Variants in GPC6 observed in about 807,000 individuals in gnomAD.
The protein encoded by GPC6 is glypican 6, also known as glypican-6.
Under a neutral mutation model 55.2 loss-of-function variants are expected in GPC6, and 14 were observed. That is an observed-to-expected ratio of 0.25 (90% CI 0.17 to 0.40). The LOEUF is 0.40. GPC6 is among the 10% of genes least tolerant of loss of function. The probability of loss-of-function intolerance (pLI) is 1.00; values close to 1 mark genes in which losing one functional copy is unlikely to be tolerated. For missense variants in GPC6, 641 were observed against 708.5 expected (o/e 0.90, Z 1.08); for synonymous variants, 278 against 259.6 (o/e 1.07, Z -0.68).
At chr13:93,928,664 C>T (rs1594595383) in intron 3 of GPC6, among the ~76,000 whole-genome samples, 1 of 152,234 alleles carries the variant, frequency 6.6e-6, no homozygotes, top group East Asian at 1.9e-4. Flanking sequence ...TTAACCAAAG[C>T]CAGTACTCAT....
chr13:93,615,370 G>GT (rs999453858), intron 2 of GPC6, among the ~76,000 whole-genome samples: 13 of 152,162 alleles, frequency 8.5e-5, no homozygotes, highest in African/African-American at 2.9e-4. Flanking sequence ...ACATCTGTTT[G>GT]TTTTTGTTTA....
chr13:94,036,784 GATTA>G (rs67020809), intron 4 of GPC6, among the ~76,000 whole-genome samples: 40,660 of 151,616 alleles, frequency 0.27, 6,359 homozygotes, highest in Middle Eastern at 0.4. Context: ...AGCTTGAAGA[GATTA>G]GTTATCTCAT....
chr13:93,606,553 C>T (rs1300123770), intron 2 of GPC6, among the ~76,000 whole-genome samples: 1 of 152,150 alleles, frequency 6.6e-6, no homozygotes, highest in Non-Finnish European at 1.5e-5. Context: ...AGTAGAGGCA[C>T]ATTTAAGTTA....
At chr13:93,345,053 A>C (rs904636761) in intron 1 of GPC6, among the ~76,000 whole-genome samples, 3 of 152,184 alleles carry the variant, frequency 2.0e-5, no homozygotes, top group African/African-American at 7.2e-5. Flanking sequence ...GAAGAACAGA[A>C]TTATAAAAAT....
rs199699358 is a variant in GPC6 at position 93,995,824 on chromosome 13, CT to C, written c.712-31903del. Among the ~76,000 whole-genome samples the C allele has an allele frequency of 5.5e-3, 840 of 152,098 alleles. 8 individuals carry two copies. Among genetic ancestry groups the C allele is most frequent in the African/African-American group, 0.019 (809 of 41,492 alleles). On this transcript the variant is annotated intron_variant, in intron 3 of 8. Transcript: ENST00000377047. ...CTGGGGATAGGAAATGAATGTTTTT[CT>C]TGGGATTCATAATTCTACCCTAACA...
At chr13:93,546,845 G>A (rs530283993) in intron 2 of GPC6, among the ~76,000 whole-genome samples, 1 of 152,142 alleles carries the variant, frequency 6.6e-6, no homozygotes, top group Admixed American at 6.6e-5. Context: ...GTGTCTCTGG[G>A]AAAACAAACA....
intron 4 of GPC6, among the ~76,000 whole-genome samples, chr13:94,189,827 CT>C (rs1889325192): frequency 6.6e-6 from 1 of 152,036 alleles, no homozygotes; most frequent in Non-Finnish European, 1.5e-5. Context: ...CAAGACCATC[CT>C]GGCTAACATG....
In GPC6 at chr13:94,128,012, A is replaced by T. The variant is rs1886881183; in HGVS notation, c.877+100118A>T. Among the ~76,000 whole-genome samples the T allele has an allele frequency of 4.6e-5, 7 of 152,246 alleles. No individual in the cohort carries two copies. In the South Asian group the frequency reaches 1.0e-3, roughly 23 times the overall value. ...TGTTATACAGTCCACAGTCATGATT[A>T]TTTCTGCTCCCCTACAGGGAATAGT... On this transcript the variant is annotated intron_variant, in intron 4 of 8. Transcript: ENST00000377047.
intron 4 of GPC6, among the ~76,000 whole-genome samples, chr13:94,106,997 G>A (rs1886077079): frequency 1.3e-5 from 2 of 152,136 alleles, no homozygotes; most frequent in African/African-American, 2.4e-5. Flanking sequence ...AGCAAACACA[G>A]ATGTTCAGCC....
chr13:93,637,139 C>T (rs985167078), intron 2 of GPC6, among the ~76,000 whole-genome samples: 1 of 152,040 alleles, frequency 6.6e-6, no homozygotes, highest in Non-Finnish European at 1.5e-5. Flanking sequence ...TGCTAACATT[C>T]TCTAAAACAA....
chr13:94,050,977 G>C (rs1034478482), intron 4 of GPC6, among the ~76,000 whole-genome samples: 1 of 152,140 alleles, frequency 6.6e-6, no homozygotes, highest in Non-Finnish European at 1.5e-5. Context: ...GTCCCTGCTA[G>C]ATAATCCACT....
chr13:93,911,685 C>G (rs912567654), intron 3 of GPC6, among the ~76,000 whole-genome samples: 1 of 152,156 alleles, frequency 6.6e-6, no homozygotes, highest in Non-Finnish European at 1.5e-5. Flanking sequence ...ACCGTTTGAC[C>G]TTGGGCGTAT....
At chr13:94,366,403 G>A (rs1041015513) in intron 6 of GPC6, among the ~76,000 whole-genome samples, 2 of 152,144 alleles carry the variant, frequency 1.3e-5, no homozygotes, top group Admixed American at 6.5e-5. Flanking sequence ...GGAAATTGAG[G>A]AAATATGGGG....
At chr13:94,079,436 G>A (rs548523688) in intron 4 of GPC6, among the ~76,000 whole-genome samples, 2 of 152,246 alleles carry the variant, frequency 1.3e-5, no homozygotes, top group Admixed American at 1.3e-4. Context: ...TTATTTAGCA[G>A]TACTAATAGA....
intron 2 of GPC6, among the ~76,000 whole-genome samples, chr13:93,671,494 C>A (rs1377798730): frequency 6.6e-6 from 1 of 152,056 alleles, no homozygotes; most frequent in East Asian, 1.9e-4. Context: ...TGTATCTTCC[C>A]TCTGGGGTGT....
At chr13:93,235,965 A>G (rs1428784102) in intron 1 of GPC6, among the ~76,000 whole-genome samples, 1 of 152,172 alleles carries the variant, frequency 6.6e-6, no homozygotes, top group Non-Finnish European at 1.5e-5. Context: ...ACACAAGATG[A>G]TGGCTAGAGT....
chr13:94,112,683 A>G (rs754102789), intron 4 of GPC6, among the ~76,000 whole-genome samples: 1 of 152,162 alleles, frequency 6.6e-6, no homozygotes, highest in Non-Finnish European at 1.5e-5. Context: ...CATCAGTGCT[A>G]TCTTAAGTAT....
intron 1 of GPC6, among the ~76,000 whole-genome samples, chr13:93,542,455 C>G (rs181208770): frequency 2.6e-5 from 4 of 151,934 alleles, no homozygotes; most frequent in African/African-American, 7.3e-5. Context: ...AGTCAGGTAG[C>G]GTGATGCCTC....
chr13:93,249,994 G>A (rs1229104492), intron 1 of GPC6, among the ~76,000 whole-genome samples: 1 of 152,156 alleles, frequency 6.6e-6, no homozygotes, highest in Non-Finnish European at 1.5e-5. Flanking sequence ...TGAAAATGTA[G>A]TCTGATCAGT....
Sources: allele counts gnomAD v4.1 joint callset (sites outside exome capture counted in the v4.1 genomes callset), GRCh38; gene constraint gnomAD v4.1.1; transcripts MANE v1.5; gene names NCBI Gene and HGNC (gene_info 2026-07-23, HGNC 2026-07-21).